Variants in ANKRD31 observed in about 807,000 individuals in gnomAD.
ANKRD31 encodes ankyrin repeat domain-containing protein 31.
Under a neutral mutation model 186.0 loss-of-function variants are expected in ANKRD31, and 147 were observed. That is an observed-to-expected ratio of 0.79 (90% CI 0.69 to 0.91). The LOEUF (loss-of-function observed/expected upper bound fraction) is 0.91, where lower values mean the gene tolerates loss of function less well. Ranked by LOEUF, ANKRD31 falls within the 40% of genes least tolerant of loss-of-function variation. The pLI, the probability that ANKRD31 is intolerant of heterozygous loss-of-function variation, is 0.00. For synonymous variants in ANKRD31, 673 were observed against 736.4 expected (o/e 0.91, Z 1.39); for missense variants, 1,986 against 2,148.8 (o/e 0.92, Z 1.50).
intron 10 of ANKRD31, among the ~76,000 whole-genome samples, chr5:75,173,969 C>G (rs1753569047): frequency 6.6e-6 from 1 of 152,172 alleles, no homozygotes. Context: ...TGCTACCTGA[C>G]TTCAAACTAT....
At chr5:75,230,476 T>C in intron 2 of ANKRD31, 86 bp downstream of exon 2, 1 of 1,032,414 alleles carries the variant, frequency 9.7e-7, no homozygotes, top group Admixed American at 3.1e-5. Flanking sequence ...GCTTAAAGTC[T>C]CAGTTTCCAA....
rs137860283 is a variant in ANKRD31, at chr5:75,175,844, C to T, written c.1565-6723G>A. Among the ~76,000 whole-genome samples, 398 of 152,146 alleles carry T rather than the reference C, an allele frequency of 2.6e-3. 2 individuals are homozygous for T. Among genetic ancestry groups the T allele is most frequent in the African/African-American group, 8.5e-3 (354 of 41,518 alleles). On this transcript the variant is annotated intron_variant, in intron 10 of 25. Transcript: ENST00000506364. ...CGGGTGATTTCTGCATTTCCAACTG[C>T]GGTACCGAGTTCATCTCACTGTGGA...
intron 6 of ANKRD31, 141 bp downstream of exon 6, chr5:75,199,490 A>T: frequency 4.1e-6 from 2 of 482,780 alleles, no homozygotes; most frequent in Non-Finnish European, 6.8e-6. Context: ...AGGTGATTAG[A>T]CAAGAATAGA....
intron 22 of ANKRD31, among the ~76,000 whole-genome samples, chr5:75,098,799 T>C (rs1746554645): frequency 6.6e-6 from 1 of 152,238 alleles, no homozygotes; most frequent in Non-Finnish European, 1.5e-5. Flanking sequence ...GAGACTTTGC[T>C]GAAGTTGCTT....
intron 13 of ANKRD31, 117 bp from the exon 14 acceptor site, chr5:75,147,622 A>G (rs1751571050): frequency 1.2e-6 from 1 of 814,596 alleles, no homozygotes; most frequent in African/African-American, 1.8e-5. Context: ...TTCTAATTCA[A>G]TCTAACCACA....
At chr5:75,181,224 G>A (rs1459900494) in intron 10 of ANKRD31, among the ~76,000 whole-genome samples, 2 of 152,154 alleles carry the variant, frequency 1.3e-5, no homozygotes, top group Non-Finnish European at 2.9e-5. Context: ...TCATTAAAAA[G>A]TCAGGAAACA....
intron 23 of ANKRD31, among the ~76,000 whole-genome samples, chr5:75,090,344 C>T (rs1166397140): frequency 5.3e-5 from 8 of 152,124 alleles, no homozygotes. Context: ...TGAAACAGTG[C>T]TAGATACACT....
intron 3 of ANKRD31, among the ~76,000 whole-genome samples, chr5:75,221,565 C>A (rs931240763): frequency 6.6e-6 from 1 of 152,104 alleles, no homozygotes; most frequent in African/African-American, 2.4e-5. Flanking sequence ...GCATCTCTAC[C>A]AAAGGGTGAA....
Position 75,163,385 on chromosome 5 carries a change from G to T in ANKRD31, c.1707+5594C>A, listed in dbSNP as rs182187586. On this transcript the variant is annotated intron_variant, in intron 11 of 25. Coordinates refer to ENST00000506364, the MANE Select transcript of ANKRD31 (RefSeq NM_001372053.1). ...GGGGCAACGTGGGGAACCTGGTGTTGGTGTGTCTGATCTGAACGTGTGCTA... is the reference window on the plus strand; with the variant it reads ...GGGGCAACGTGGGGAACCTGGTGTTTGTGTGTCTGATCTGAACGTGTGCTA... 3.3e-5 allele frequency among the ~76,000 whole-genome samples: 5 copies of T among 152,288 alleles called. No individual in the cohort carries two copies. The East Asian group carries it at 7.7e-4, about 24-fold the overall frequency.
chr5:75,108,384 T>C (rs912616919), intron 20 of ANKRD31, among the ~76,000 whole-genome samples: 6 of 152,096 alleles, frequency 3.9e-5, no homozygotes, highest in African/African-American at 1.4e-4. Flanking sequence ...AAAGGCATAA[T>C]GACCTTTCTC....
intron 11 of ANKRD31, among the ~76,000 whole-genome samples, chr5:75,162,944 G>A (rs552821399): frequency 6.6e-6 from 1 of 151,894 alleles, no homozygotes; most frequent in South Asian, 2.1e-4. Context: ...CTTAACTTTG[G>A]TTCTCCACCT....
At position 75,091,595 on chromosome 5, in the gene ANKRD31, T is replaced by G. The variant is rs952517254; in HGVS notation, c.5332-194A>C. ...GATGAACCATCTAGTCAACAAAATC[T>G]ACAAAAATCAGATTAAAAAGGTGAG... On this transcript the variant is annotated intron_variant, in intron 22 of 25. Coordinates refer to ENST00000506364, the MANE Select transcript of ANKRD31 (RefSeq NM_001372053.1). 9.9e-5 allele frequency among the ~76,000 whole-genome samples: 15 copies of G among 152,166 alleles called. 1 individual carries two copies. Among genetic ancestry groups the G allele is most frequent in the Admixed American group, 3.9e-4 (6 of 15,280 alleles).
Position 75,104,700 on chromosome 5 carries a change from TTC to T in ANKRD31, c.4857_4858del (p.Asn1620Ter). On this transcript the variant is annotated frameshift_variant, in exon 22 of 26. Coordinates refer to ENST00000506364, the MANE Select transcript of ANKRD31 (RefSeq NM_001372053.1). LOFTEE classifies it high-confidence loss of function. The stretch of plus-strand genomic sequence containing the variant: ...TTTGTCTGTAGCTTCTGTAAGATCA[TTC>T]TCTTTCTGTGAATATTCTGTTTGAC... The T allele has an allele frequency of 1.3e-6, 2 of 1,536,914 alleles. No homozygotes were observed. Among genetic ancestry groups the T allele is most frequent in the Non-Finnish European group, 1.7e-6 (2 of 1,146,812 alleles).
chr5:75,182,412 T>C (rs1561513353), intron 10 of ANKRD31, among the ~76,000 whole-genome samples: 1 of 152,062 alleles, frequency 6.6e-6, no homozygotes, highest in Non-Finnish European at 1.5e-5. Context: ...CAATAAAAAT[T>C]AGTTTCCTAA....
chr5:75,155,256 C>A (rs1365931365), intron 11 of ANKRD31, among the ~76,000 whole-genome samples: 4 of 151,432 alleles, frequency 2.6e-5, no homozygotes, highest in African/African-American at 7.3e-5. Flanking sequence ...TAGTCTAGTC[C>A]AATAGGTATG....
chr5:75,232,199 T>C (rs1251285726), intron 1 of ANKRD31, among the ~76,000 whole-genome samples: 1 of 152,182 alleles, frequency 6.6e-6, no homozygotes, highest in Non-Finnish European at 1.5e-5. Context: ...CTCCAAAAAG[T>C]AAAATTATCT....
At chr5:75,085,633 C>G (rs1745429252) in intron 23 of ANKRD31, among the ~76,000 whole-genome samples, 1 of 152,100 alleles carries the variant, frequency 6.6e-6, no homozygotes. Flanking sequence ...AACTCCTGAC[C>G]TCAAATGATC....
rs1176269436 is a variant in ANKRD31, at chr5:75,147,410, G to A, written c.2001C>T (p.Ser667=). ...CTTTATTTATAAATAAACTCGCTTT[G>A]CTTCCTTTATTGACTTTTACATGTT... ...KLEHVKVNKG[S]KASLFINKED... Residue 667 remains serine (S), a synonymous_variant, in exon 14 of 26, where the codon AGC becomes AGT. Coordinates refer to ENST00000506364, the MANE Select transcript of ANKRD31 (RefSeq NM_001372053.1). 1 of 1,521,178 alleles carries A rather than the reference G, an allele frequency of 6.6e-7. No homozygotes were observed. Among genetic ancestry groups the A allele is most frequent in the East Asian group, 2.5e-5 (1 of 40,724 alleles). 94.2% of individuals were successfully genotyped at this position (1,521,178 alleles called of 1,614,324 possible).
chr5:75,182,790 C>T (rs997026711), intron 10 of ANKRD31, among the ~76,000 whole-genome samples: 2 of 151,434 alleles, frequency 1.3e-5, no homozygotes, highest in Non-Finnish European at 2.9e-5. Context: ...TATTACTTTT[C>T]TCCTTGAGCC....
Sources: allele counts gnomAD v4.1 joint callset (sites outside exome capture counted in the v4.1 genomes callset), GRCh38; gene constraint gnomAD v4.1.1; transcripts MANE v1.5; gene names NCBI Gene and HGNC (gene_info 2026-07-23, HGNC 2026-07-21).